Variants in DNAH11 observed in about 807,000 individuals in gnomAD.
The protein encoded by DNAH11 is dynein axonemal heavy chain 11.
In DNAH11, 442 loss-of-function variants were observed where a neutral mutation model predicts 526.0. The observed-to-expected ratio is 0.84, with a 90% CI of 0.78 to 0.91. DNAH11 has a LOEUF of 0.91. DNAH11 is among the 40% of genes least tolerant of loss of function. The pLI is 0.00. For missense variants in DNAH11, 6,989 were observed against 5,448.7 expected, an observed-to-expected ratio of 1.28 and a Z score of -8.90; for synonymous variants, 2,461 against 1,935.9, an observed-to-expected ratio of 1.27 and a Z score of -7.12.
chr7:21,675,678 C>A (rs1043134224), intron 30 of DNAH11, among the ~76,000 whole-genome samples: 2 of 152,122 alleles, frequency 1.3e-5, no homozygotes, highest in African/African-American at 4.8e-5. Context: ...TTCATTTCTT[C>A]ATCAGTTCCT....
chr7:21,705,324 T>A (rs1784222507), intron 38 of DNAH11, 136 bp from the exon 39 acceptor site: 1 of 767,682 alleles, frequency 1.3e-6, no homozygotes, highest in Non-Finnish European at 2.1e-6. Context: ...TGGTCTATTT[T>A]AACTTTCTCT....
At chr7:21,584,671 G>A (rs1200527031) in intron 9 of DNAH11, among the ~76,000 whole-genome samples, 2 of 152,076 alleles carry the variant, frequency 1.3e-5, no homozygotes, top group Non-Finnish European at 2.9e-5. Flanking sequence ...ACAGCCTGTT[G>A]TTATAAAATG....
chr7:21,736,304 A>T (rs1338971406), intron 46 of DNAH11, among the ~76,000 whole-genome samples: 1 of 152,366 alleles, frequency 6.6e-6, no homozygotes, highest in East Asian at 1.9e-4. Flanking sequence ...GAACTATTGA[A>T]TAACTAATCA....
At chr7:21,799,105 A>G (rs1474408261) in intron 61 of DNAH11, among the ~76,000 whole-genome samples, 2 of 152,144 alleles carry the variant, frequency 1.3e-5, no homozygotes, top group African/African-American at 2.4e-5. Flanking sequence ...TAATCCTCAA[A>G]AAAACACCCT....
chr7:21,677,321 A>G (rs1196201803), intron 30 of DNAH11, among the ~76,000 whole-genome samples: 1 of 151,180 alleles, frequency 6.6e-6, no homozygotes, highest in Non-Finnish European at 1.5e-5. Flanking sequence ...TCACATTTTC[A>G]TAATTCTTGG....
At chr7:21,561,011 C>A in intron 4 of DNAH11, 60 bp from the exon 5 acceptor site, 1 of 1,104,436 alleles carries the variant, frequency 9.1e-7, no homozygotes, top group Non-Finnish European at 1.3e-6. Context: ...TTACAGAATG[C>A]ATGTATTTAG....
chr7:21,634,747 C>T (rs1367538356), intron 25 of DNAH11, among the ~76,000 whole-genome samples: 1 of 151,994 alleles, frequency 6.6e-6, no homozygotes, highest in East Asian at 1.9e-4. Flanking sequence ...ATCATGTGCA[C>T]ACCAAACTCC....
chr7:21,563,557 C>G (rs1562663298), intron 5 of DNAH11, among the ~76,000 whole-genome samples: 2 of 152,094 alleles, frequency 1.3e-5, no homozygotes, highest in South Asian at 2.1e-4. Context: ...AAATAAACTT[C>G]ACATAACATA....
intron 40 of DNAH11, among the ~76,000 whole-genome samples, chr7:21,709,453 G>A (rs1251394077): frequency 6.6e-6 from 1 of 152,116 alleles, no homozygotes; most frequent in African/African-American, 2.4e-5. Flanking sequence ...AGCAGGGGAT[G>A]AAAAACTACC....
intron 55 of DNAH11, among the ~76,000 whole-genome samples, chr7:21,771,577 G>A (rs1209595214): frequency 6.6e-6 from 1 of 152,188 alleles, no homozygotes. Flanking sequence ...TTATGCGTTG[G>A]AGACAGCATC....
chr7:21,654,574 C>T (rs1481964461), intron 28 of DNAH11, among the ~76,000 whole-genome samples: 8 of 152,114 alleles, frequency 5.3e-5, no homozygotes, highest in Non-Finnish European at 8.8e-5. Context: ...GTTTGAGTTC[C>T]TATTTTCAAC....
chr7:21,662,587 C>T (rs1029887730), intron 30 of DNAH11, among the ~76,000 whole-genome samples: 4 of 152,020 alleles, frequency 2.6e-5, no homozygotes, highest in Admixed American at 6.6e-5. Context: ...TTAACATTTG[C>T]GTTACCTCAC....
intron 30 of DNAH11, among the ~76,000 whole-genome samples, chr7:21,672,812 G>T (rs1314765493): frequency 6.6e-6 from 1 of 152,176 alleles, no homozygotes. Context: ...TGCCATGGGA[G>T]CCAGGACAGG....
rs192558526 is a variant in DNAH11 at position 21,687,580 on chromosome 7, G to A, written c.5924+53G>A. ...TACAAATAGAAAAACATGGAATAAT[G>A]CAGGTAACCTCCCCTTCACTGTCTA... On this transcript the variant is annotated intron_variant, in intron 34 of 81. Coordinates refer to ENST00000409508, the MANE Select transcript of DNAH11 (RefSeq NM_001277115.2). The A allele has an allele frequency of 2.1e-5, 33 of 1,576,126 alleles. No individual in the cohort carries two copies. The African/African-American group carries it at 4.3e-4, about 21-fold the overall frequency.
chr7:21,606,402 G>A lies in DNAH11; in HGVS notation c.3649-24G>A, dbSNP rs373675423. 1.1e-4 allele frequency: 176 copies of A among 1,556,324 alleles called. 1 individual carries two copies. The highest frequency in any genetic ancestry group is 6.7e-4 in the Middle Eastern group (4 of 5,978). ...TTGTTTTAGGAATTGAAGTAATTTC[G>A]CATTTGTGCCTTTGCTTTTGCAGGA... On this transcript the variant is annotated intron_variant, in intron 18 of 81. Coordinates refer to ENST00000409508, the MANE Select transcript of DNAH11 (RefSeq NM_001277115.2).
At chr7:21,690,521 A>C (rs935916273) in intron 34 of DNAH11, among the ~76,000 whole-genome samples, 1 of 152,202 alleles carries the variant, frequency 6.6e-6, no homozygotes, top group Non-Finnish European at 1.5e-5. Context: ...TAGGATACTA[A>C]GGCTATGCTA....
intron 58 of DNAH11, among the ~76,000 whole-genome samples, chr7:21,785,560 AAGT>A (rs777040414): frequency 7.2e-5 from 11 of 152,204 alleles, no homozygotes; most frequent in Non-Finnish European, 1.5e-4. Flanking sequence ...GATTGGCAAA[AAGT>A]AAGAGTAATT....
chr7:21,732,324 T>C (rs1785418892), intron 45 of DNAH11, among the ~76,000 whole-genome samples: 1 of 152,182 alleles, frequency 6.6e-6, no homozygotes, highest in Non-Finnish European at 1.5e-5. Flanking sequence ...AATTTTCTTA[T>C]AAGGACACCT....
intron 63 of DNAH11, among the ~76,000 whole-genome samples, chr7:21,816,073 C>T (rs1391911305): frequency 6.6e-6 from 1 of 152,034 alleles, no homozygotes; most frequent in Non-Finnish European, 1.5e-5. Flanking sequence ...AGTGCCTGAG[C>T]AAGATACTGA....
Sources: allele counts gnomAD v4.1 joint callset (sites outside exome capture counted in the v4.1 genomes callset), GRCh38; gene constraint gnomAD v4.1.1; transcripts MANE v1.5; gene names NCBI Gene and HGNC (gene_info 2026-07-23, HGNC 2026-07-21).